XIST: variants seen among roughly 807,000 people sequenced by gnomAD.
XIST encodes the protein X inactive specific transcript.
intron 4 of XIST, among the ~76,000 whole-genome samples, chrX:73,829,620 G>A (rs1445500345): frequency 9.1e-6 from 1 of 109,491 alleles, no homozygotes; most frequent in Non-Finnish European, 1.9e-5. Flanking sequence ...GAGAAACACC[G>A]TCTCTATTAA....
At chrX:73,833,642 A>G (rs975397407) in intron 2 of XIST, 2 of 186,953 alleles carry the variant, frequency 1.1e-5, no homozygotes, top group African/African-American at 6.0e-5. Context: ...GGCTGACACT[A>G]AATTTGTGGC....
chrX:73,824,353 C>T, exon 6 of XIST: 1 of 533,869 alleles, frequency 1.9e-6, no homozygotes, highest in Middle Eastern at 3.1e-4. Flanking sequence ...ATTTTATAAA[C>T]CTAGTACCCA....
chrX:73,844,342 A>G (rs367834850), exon 1 of XIST: 8 of 556,590 alleles, frequency 1.4e-5, no homozygotes, highest in Non-Finnish European at 2.6e-5. Flanking sequence ...AGAATCTTAA[A>G]AAGTAGTGGG....
chrX:73,848,424 C>T (rs763965180), exon 1 of XIST: 2 of 555,564 alleles, frequency 3.6e-6, no homozygotes, highest in African/African-American at 4.5e-5. Context: ...TGTCCTAGTA[C>T]AGAGGTCTTG....
Position 73,845,633 on chromosome X carries a change from A to G in XIST, n.7091T>C, listed in dbSNP as rs149382714. On this transcript the variant is annotated non_coding_transcript_exon_variant, in exon 1 of 6. Transcript: ENST00000429829. Reference sequence around the variant, plus strand: ...GATTCAGTACCCCTGCTGTACTGCAAAGGGCATCTGAGAGTAGGACCTTAT... The same window carrying G: ...GATTCAGTACCCCTGCTGTACTGCAGAGGGCATCTGAGAGTAGGACCTTAT... 1.1e-4 allele frequency: 63 copies of G among 555,779 alleles called. 1 individual carries two copies. In the Middle Eastern group the frequency reaches 5.2e-3, roughly 46 times the overall value. 45.8% of individuals were successfully genotyped at this position (555,779 alleles called of 1,213,427 possible). A position where few individuals can be genotyped will look rare whatever the true frequency, so the allele number is the denominator to read the frequency against.
intron 3 of XIST, among the ~76,000 whole-genome samples, chrX:73,832,745 T>C (rs1295504836): frequency 9.0e-6 from 1 of 111,663 alleles, no homozygotes; most frequent in Non-Finnish European, 1.9e-5. Flanking sequence ...GGATCAAGTA[T>C]GCTTGCCCTT....
exon 6 of XIST, chrX:73,823,841 T>G: frequency 1.8e-6 from 1 of 558,768 alleles, no homozygotes. Context: ...CACACCTATA[T>G]TACTTCATTT....
chrX:73,844,437 C>A lies in XIST; in HGVS notation n.8287G>T, dbSNP rs756943951. 9 of 558,588 alleles carry A rather than the reference C, an allele frequency of 1.6e-5. No homozygotes were observed. In the East Asian group the frequency reaches 2.6e-4, roughly 16 times the overall value. 46.0% of individuals were successfully genotyped at this position (558,588 alleles called of 1,213,427 possible). A position where few individuals can be genotyped will look rare whatever the true frequency, so the allele number is the denominator to read the frequency against. The stretch of plus-strand genomic sequence containing the variant: ...AATATAGACAAGCCAAGCAAAGAGG[C>A]CTCAGTGATCAGCACCCCAGCTATA... On this transcript the variant is annotated non_coding_transcript_exon_variant, in exon 1 of 6. Coordinates refer to ENST00000429829, the Ensembl canonical transcript of XIST.
In XIST at chrX:73,852,246, T is replaced by C. The variant is rs760204666; in HGVS notation, n.478A>G. 3 of 541,895 alleles carry C rather than the reference T, an allele frequency of 5.5e-6. No individual in the cohort carries two copies. The Admixed American group carries it at 7.0e-5, about 13-fold the overall frequency. 44.7% of individuals were successfully genotyped at this position (541,895 alleles called of 1,213,427 possible). A position where few individuals can be genotyped will look rare whatever the true frequency, so the allele number is the denominator to read the frequency against. ...AATCAGCAGGTATCCGATACCCCGA[T>C]GGGCTAAGGAAAAAAAAATAAAAAG... On this transcript the variant is annotated non_coding_transcript_exon_variant, in exon 1 of 6. Coordinates refer to ENST00000429829, the Ensembl canonical transcript of XIST.
rs1002340755 is a variant in XIST, at chrX:73,830,128, C to CA, written n.11753-898dup. Among the ~76,000 whole-genome samples, 162 of 104,681 alleles carry CA rather than the reference C, an allele frequency of 1.5e-3. 1 individual carries two copies. The highest frequency in any genetic ancestry group is 2.8e-3 in the Non-Finnish European group (143 of 51,072). The allele number at this position is 104,681 out of a possible 115,157, so 90.9% of individuals were successfully genotyped here. A position where few individuals can be genotyped will look rare whatever the true frequency, so the allele number is the denominator to read the frequency against. On this transcript the variant is annotated intron_variant and non_coding_transcript_variant, in intron 4 of 5. Coordinates refer to ENST00000429829, the Ensembl canonical transcript of XIST. ...GTTGTTTAACATTGCAGCTAAAATACAAAAAAAAAGAAGAAGAAGAAGAAG... is the reference window on the plus strand; with the variant it reads ...GTTGTTTAACATTGCAGCTAAAATACAAAAAAAAAAGAAGAAGAAGAAGAAG...
intron 1 of XIST, among the ~76,000 whole-genome samples, chrX:73,840,168 AT>A (rs1922560035): frequency 9.0e-6 from 1 of 111,243 alleles, no homozygotes; most frequent in Non-Finnish European, 1.9e-5. Flanking sequence ...ATCTCAGAAA[AT>A]TTTGTTCCTT....
At chrX:73,848,413 C>G in exon 1 of XIST, 2 of 556,892 alleles carry the variant, frequency 3.6e-6, no homozygotes, top group Non-Finnish European at 6.5e-6. Flanking sequence ...TGCACATAAA[C>G]TGTCCTAGTA....
Position 73,832,330 on chromosome X carries a change from GA to G in XIST, n.11543+907del, listed in dbSNP as rs35100923. 7.3e-3 allele frequency among the ~76,000 whole-genome samples: 661 copies of G among 90,501 alleles called. 7 individuals carry two copies. The highest frequency in any genetic ancestry group is 0.056 in the East Asian group (165 of 2,942). The allele number at this position is 90,501 out of a possible 115,157, so 78.6% of individuals were successfully genotyped here. On this transcript the variant is annotated intron_variant and non_coding_transcript_variant, in intron 3 of 5. Transcript: ENST00000429829. ...GCCTGGGCAACAAGAGCGAAACTGC[GA>G]AAAAAAAAAAATACACGCCACAAAA... is the stretch of plus-strand genomic sequence containing the variant.
chrX:73,849,802 G>A, exon 1 of XIST: 1 of 503,212 alleles, frequency 2.0e-6, no homozygotes, highest in African/African-American at 2.4e-5. Flanking sequence ...ACTTTCGAGA[G>A]AAGCTGGGCG....
In XIST at chrX:73,823,081, T is replaced by G. The variant is rs5982487; in HGVS notation, n.16820A>C. 1.3e-3 allele frequency: 744 copies of G among 551,801 alleles called. 4 individuals carry two copies. The African/African-American group carries it at 0.016, about 12-fold the overall frequency. 45.5% of individuals were successfully genotyped at this position (551,801 alleles called of 1,213,427 possible). On this transcript the variant is annotated non_coding_transcript_exon_variant, in exon 6 of 6. Coordinates refer to ENST00000429829, the Ensembl canonical transcript of XIST. ...TTTTTTTATTGCTCATATGTCTTCC[T>G]GTCTCTAAGCCAGACCAATGAGCAA...
intron 5 of XIST, chrX:73,828,111 CATT>C (rs1922305344): frequency 4.6e-6 from 2 of 435,093 alleles, no homozygotes; most frequent in Non-Finnish European, 7.9e-6. Context: ...CAAAAAGTGT[CATT>C]AGTAATTATA....
At chrX:73,844,320 T>C (rs1455293324) in exon 1 of XIST, 1 of 556,774 alleles carries the variant, frequency 1.8e-6, no homozygotes, top group South Asian at 2.2e-5. Context: ...CCATGTACTT[T>C]GGACAAATAT....
exon 1 of XIST, chrX:73,850,254 G>A (rs1603362933): frequency 3.6e-6 from 2 of 548,258 alleles, no homozygotes; most frequent in East Asian, 3.3e-5. Context: ...CATTAGAAAT[G>A]ATTTGACTTT....
exon 1 of XIST, chrX:73,844,217 A>C (rs757757389): frequency 3.6e-6 from 2 of 558,622 alleles, no homozygotes; most frequent in Admixed American, 4.4e-5. Flanking sequence ...CTGCAAATGG[A>C]GGGTGAGAAG....
Sources: gnomAD v4.1 joint callset for allele counts (sites outside exome capture counted in the v4.1 genomes callset) on GRCh38, gnomAD v4.1.1 for gene constraint, MANE v1.5 for transcripts, NCBI Gene and HGNC (gene_info 2026-07-23, HGNC 2026-07-21) for gene names.